Variants in PSD2 observed in about 807,000 individuals in gnomAD.
PSD2 encodes the protein PH and SEC7 domain-containing protein 2.
A neutral mutation model predicts 69.8 loss-of-function variants in PSD2; 38 were observed. The ratio of observed to expected loss-of-function variants is 0.54; its 90% CI spans 0.42 to 0.71. The LOEUF (loss-of-function observed/expected upper bound fraction) is 0.71, where lower values mean the gene tolerates loss of function less well. Ranked by LOEUF, PSD2 falls within the 30% of genes least tolerant of loss-of-function variation. PSD2 has a pLI of 0.00. For synonymous variants in PSD2, 412 were observed against 423.0 expected, an observed-to-expected ratio of 0.97 and a Z score of 0.32; for missense variants, 943 against 1,014.5, an observed-to-expected ratio of 0.93 and a Z score of 0.96.
In PSD2 at chr5:139,835,719, C is replaced by T; in HGVS notation, c.1360-4C>T. 1 of 1,614,040 alleles carries T rather than the reference C, an allele frequency of 6.2e-7. No individual in the cohort carries two copies. Among genetic ancestry groups the T allele is most frequent in the Admixed American group, 1.7e-5 (1 of 60,028 alleles). On this transcript the variant is annotated splice_polypyrimidine_tract_variant and splice_region_variant and intron_variant, in intron 8 of 14. Coordinates refer to ENST00000274710, the MANE Select transcript of PSD2 (RefSeq NM_032289.4). Reference sequence around the variant, plus strand: ...TTCCCCCCTCTCTCTTTTCCCTCTCCCAGACCCTTTACAACTCCATCAAGA... The same window carrying T: ...TTCCCCCCTCTCTCTTTTCCCTCTCTCAGACCCTTTACAACTCCATCAAGA...
the PSD2 span, among the ~76,000 whole-genome samples, chr5:139,763,448 C>A: frequency 6.6e-6 from 1 of 152,168 alleles, no homozygotes; most frequent in Admixed American, 6.5e-5. Context: ...GGATCTTTGC[C>A]GGGGAAGGCA....
In PSD2 at chr5:139,840,184, G is replaced by T. The variant is rs748278211; in HGVS notation, c.2112+14G>T. The T allele has an allele frequency of 1.2e-6, 2 of 1,613,134 alleles. No homozygotes were observed. The highest frequency in any genetic ancestry group is 3.3e-5 in the Admixed American group (2 of 59,980). On this transcript the variant is annotated intron_variant, in intron 14 of 14. Coordinates refer to ENST00000274710, the MANE Select transcript of PSD2 (RefSeq NM_032289.4). ...CTCACCTTCGAGGTGAGCCTTGGGG[G>T]ACTGGATTGCAAAGCCCAGTGCCCT... is the stretch of plus-strand genomic sequence containing the variant.
the PSD2 span, among the ~76,000 whole-genome samples, chr5:139,764,234 C>T: frequency 6.6e-6 from 1 of 152,184 alleles, no homozygotes; most frequent in Non-Finnish European, 1.5e-5. Context: ...GGCAGTGCAG[C>T]GTCCCCGTGT....
At position 139,813,578 on chromosome 5, in the gene PSD2, G is replaced by T. The variant is rs1368626084; in HGVS notation, c.641G>T (p.Gly214Val). Reference sequence around the variant, plus strand: ...GAGGGGGACATGGGGGCAGCTGGTGGTGATGGGGAGCTGGGCAGCCCCCTG... The same window carrying T: ...GAGGGGGACATGGGGGCAGCTGGTGTTGATGGGGAGCTGGGCAGCCCCCTG... The part of the protein sequence containing the change: ...AFEGDMGAAG[G>V]DGELGSPLRR... Residue 214 changes from glycine to valine, a missense_variant, in exon 3 of 15, where the codon GGT (glycine) becomes GTT (valine). Gly to Val is a moderately radical substitution (Grantham distance 109). Transcript: ENST00000274710. 3.1e-6 allele frequency: 5 copies of T among 1,613,218 alleles called. No homozygotes were observed. Among genetic ancestry groups the T allele is most frequent in the Non-Finnish European group, 3.4e-6 (4 of 1,179,340 alleles).
At chr5:139,766,839 C>CTT in the PSD2 span, among the ~76,000 whole-genome samples, 4 of 139,206 alleles carry the variant, frequency 2.9e-5, no homozygotes, top group Non-Finnish European at 6.3e-5. Flanking sequence ...TTCTTTCTTT[C>CTT]TTTCTTTCTT....
intron 2 of PSD2, among the ~76,000 whole-genome samples, chr5:139,813,097 G>C (rs1292684016): frequency 6.6e-6 from 1 of 152,226 alleles, no homozygotes; most frequent in East Asian, 1.9e-4. Context: ...GGGGGCCCCG[G>C]CCCCAGGTCT....
chr5:139,808,312 C>T (rs1290222429), intron 1 of PSD2, among the ~76,000 whole-genome samples: 1 of 152,230 alleles, frequency 6.6e-6, no homozygotes, highest in Non-Finnish European at 1.5e-5. Flanking sequence ...GCCTGTTACA[C>T]ATTACATCTG....
chr5:139,799,308 G>A (rs1759608386), intron 1 of PSD2, among the ~76,000 whole-genome samples: 1 of 152,214 alleles, frequency 6.6e-6, no homozygotes, highest in African/African-American at 2.4e-5. Context: ...ACCAGATGCT[G>A]GAGAATAGAG....
chr5:139,837,799 G>A lies in PSD2; in HGVS notation c.1823+17G>A, dbSNP rs1018145958. The A allele has an allele frequency of 2.5e-6, 4 of 1,599,038 alleles. No homozygotes were observed. The highest frequency in any genetic ancestry group is 2.6e-6 in the Non-Finnish European group (3 of 1,169,216). Reference sequence around the variant, plus strand: ...CCAGGCACCGTGAGTAGGAGCTGGAGCCCTTCACTCCCACCTGGGGCCCAG... The same window carrying A: ...CCAGGCACCGTGAGTAGGAGCTGGAACCCTTCACTCCCACCTGGGGCCCAG... On this transcript the variant is annotated intron_variant, in intron 12 of 14. Transcript: ENST00000274710. The surrounding 1 kb of genome is among the most constrained non-coding windows in gnomAD (Gnocchi z 5.0).
the PSD2 span, among the ~76,000 whole-genome samples, chr5:139,775,974 A>G: frequency 6.6e-6 from 1 of 152,174 alleles, no homozygotes; most frequent in South Asian, 2.1e-4. Context: ...CAGCCTCTTC[A>G]CCTGTCTTCT....
At chr5:139,766,930 C>CCTTTCTTTCTTTCTTTCT in the PSD2 span, among the ~76,000 whole-genome samples, 3 of 44,046 alleles carry the variant, frequency 6.8e-5, no homozygotes, top group East Asian at 6.4e-4. Flanking sequence ...CCTTCCTTCC[C>CCTTTCTTTCTTTCTTTCT]TTCTTTCTTT....
chr5:139,831,968 C>T (rs1760607205), intron 7 of PSD2, among the ~76,000 whole-genome samples: 1 of 152,188 alleles, frequency 6.6e-6, no homozygotes, highest in Admixed American at 6.5e-5. Flanking sequence ...AGCCGCTCAG[C>T]CCCTGGCCAC....
At chr5:139,786,583 T>C in the PSD2 span, among the ~76,000 whole-genome samples, 1 of 152,068 alleles carries the variant, frequency 6.6e-6, no homozygotes, top group Non-Finnish European at 1.5e-5. Context: ...AGTCAGTCCA[T>C]GTGGTGGATC....
chr5:139,765,681 C>T, the PSD2 span, among the ~76,000 whole-genome samples: 2 of 152,244 alleles, frequency 1.3e-5, no homozygotes, highest in Admixed American at 6.5e-5. Context: ...CGGGGCGCGG[C>T]TGGGGAGAGG....
At chr5:139,827,119 G>A (rs1760443789) in intron 7 of PSD2, among the ~76,000 whole-genome samples, 1 of 152,206 alleles carries the variant, frequency 6.6e-6, no homozygotes, top group African/African-American at 2.4e-5. Flanking sequence ...GTGATCCAGG[G>A]CCTAGCCCTG....
rs370407462 is a variant in PSD2, at chr5:139,840,167, C to T, written c.2109C>T (p.Phe703=). 54 of 1,613,714 alleles carry T rather than the reference C, an allele frequency of 3.3e-5. No individual in the cohort carries two copies. Among genetic ancestry groups the T allele is most frequent in the Admixed American group, 5.0e-5 (3 of 59,994 alleles). Residue 703 remains phenylalanine (F), a synonymous_variant, in exon 14 of 15, where the codon TTC becomes TTT. Transcript: ENST00000274710. The part of the protein sequence containing the change: ...EYRLKEHYLT[F]EKSRYETYIH... ...GGTTGAAGGAGCACTATCTCACCTT[C>T]GAGGTGAGCCTTGGGGGACTGGATT...
chr5:139,751,052 G>A, the PSD2 span, among the ~76,000 whole-genome samples: 31 of 152,312 alleles, frequency 2.0e-4, no homozygotes, highest in Middle Eastern at 0.01. Flanking sequence ...AATGTTCCTG[G>A]GGGCATGGCA....
chr5:139,792,807 C>G (rs1372247599), upstream of PSD2, among the ~76,000 whole-genome samples: 1 of 147,860 alleles, frequency 6.8e-6, no homozygotes, highest in Non-Finnish European at 1.5e-5. Context: ...TTCTCTCTCT[C>G]TTTTCCTTCC....
At chr5:139,836,436 G>T (rs1437854140) in intron 9 of PSD2, among the ~76,000 whole-genome samples, 2 of 152,206 alleles carry the variant, frequency 1.3e-5, no homozygotes, top group African/African-American at 4.8e-5. Context: ...CTGCCAGCAT[G>T]TCGGTGGGGT....
Sources: allele counts gnomAD v4.1 joint callset (sites outside exome capture counted in the v4.1 genomes callset), GRCh38; gene constraint gnomAD v4.1.1; non-coding constraint Gnocchi (gnomAD v3.1); transcripts MANE v1.5; gene names NCBI Gene and HGNC (gene_info 2026-07-23, HGNC 2026-07-21).